The following RIIAD1 variants were observed in gnomAD, a reference collection of about 807,000 sequenced individuals.
RIIAD1 encodes the protein RIIa domain-containing protein 1.
Under a neutral mutation model 13.3 loss-of-function variants are expected in RIIAD1, and 15 were observed. The observed-to-expected ratio is 1.13, with a 90% confidence interval of 0.76 to 1.74. The LOEUF (loss-of-function observed/expected upper bound fraction) is 1.74, where lower values mean the gene tolerates loss of function less well. Ranked by LOEUF, RIIAD1 falls within the 40% of genes most tolerant of loss-of-function variation. The pLI is 0.00. For synonymous variants in RIIAD1, 50 were observed against 43.3 expected, an observed-to-expected ratio of 1.16 and a Z score of -0.61; for missense variants, 121 against 112.2, an observed-to-expected ratio of 1.08 and a Z score of -0.35.
intron 4 of RIIAD1, among the ~76,000 whole-genome samples, chr1:151,714,861 G>A (rs909084952): frequency 6.6e-5 from 10 of 152,066 alleles, no homozygotes; most frequent in East Asian, 1.9e-4. Context: ...CAGACACCTG[G>A]AGGCCTAAAT....
At chr1:151,722,063 G>T in intron 1 of RIIAD1, 23 bp from the exon 2 acceptor site, 1 of 1,513,636 alleles carries the variant, frequency 6.6e-7, no homozygotes, top group Non-Finnish European at 9.0e-7. Context: ...TAATGGAAGT[G>T]ACCCTTTGTT....
chr1:151,711,860 C>G (rs1673051739), exon 2 of RIIAD1: 1 of 152,222 alleles, frequency 6.6e-6, no homozygotes, highest in African/African-American at 2.4e-5. Flanking sequence ...ACCTGGGACC[C>G]AGAGAGAAAG....
exon 3 of RIIAD1, chr1:151,713,546 A>ACAAT (rs1376117555): frequency 6.6e-6 from 1 of 152,242 alleles, no homozygotes; most frequent in Admixed American, 6.5e-5. Context: ...AGGGGCCTCC[A>ACAAT]CAGAGAAAAA....
intron 4 of RIIAD1, 56 bp from the exon 5 acceptor site, chr1:151,729,432 T>A (rs934702022): frequency 2.0e-4 from 31 of 151,714 alleles, no homozygotes; most frequent in African/African-American, 7.0e-4. Context: ...AAAAAAAAAA[T>A]GTGAGGTGGG....
chr1:151,719,880 T>C (rs896560157), upstream of RIIAD1, among the ~76,000 whole-genome samples: 6 of 151,750 alleles, frequency 4.0e-5, no homozygotes, highest in Non-Finnish European at 8.8e-5. Context: ...TACTTGGAGG[T>C]GGGGAGGTAG....
At chr1:151,721,486 G>A (rs1282135944), upstream of RIIAD1, 47 of 1,145,154 alleles carry the variant, frequency 4.1e-5, no homozygotes, top group Admixed American at 8.2e-5. Context: ...GGCGGGGCCG[G>A]GGGCGGGGCC....
At chr1:151,722,050 TC>T (rs1673747498) in intron 1 of RIIAD1, 35 bp from the exon 2 acceptor site, 1 of 1,434,554 alleles carries the variant, frequency 7.0e-7, no homozygotes, top group African/African-American at 1.4e-5. Flanking sequence ...TGAATCTGTC[TC>T]CTAATGGAAG....
intron 3 of RIIAD1, 144 bp downstream of exon 3, chr1:151,727,765 G>C: frequency 1.6e-6 from 1 of 607,700 alleles, no homozygotes; most frequent in East Asian, 3.0e-5. Flanking sequence ...GCTTTTTTCA[G>C]CTTTTTCTTT....
At chr1:151,725,903 G>A (rs764600342) in intron 2 of RIIAD1, among the ~76,000 whole-genome samples, 9 of 152,106 alleles carry the variant, frequency 5.9e-5, no homozygotes, top group East Asian at 3.9e-4. Context: ...CCCTGCATGC[G>A]TCCCTCACTC....
At chr1:151,721,325 C>A (rs947756128), upstream of RIIAD1, among the ~76,000 whole-genome samples, 1 of 152,206 alleles carries the variant, frequency 6.6e-6, no homozygotes, top group Non-Finnish European at 1.5e-5. Flanking sequence ...AGGGCTCATT[C>A]CACATACAAT....
chr1:151,721,737 A>T (rs1229204328), intron 1 of RIIAD1, 117 bp downstream of exon 1: 1 of 579,478 alleles, frequency 1.7e-6, no homozygotes, highest in Non-Finnish European at 2.7e-6. Flanking sequence ...GTTCCCTGAT[A>T]AAGTGGGGAG....
intron 1 of RIIAD1, among the ~76,000 whole-genome samples, chr1:151,711,597 G>T (rs1673025349): frequency 6.6e-6 from 1 of 152,240 alleles, no homozygotes; most frequent in African/African-American, 2.4e-5. Context: ...ATGTGTGTGC[G>T]GGTGCGCATG....
chr1:151,725,443 C>T (rs1176035194), intron 2 of RIIAD1, among the ~76,000 whole-genome samples: 1 of 152,078 alleles, frequency 6.6e-6, no homozygotes, highest in African/African-American at 2.4e-5. Flanking sequence ...AGTTCCACAA[C>T]GTTGCTTTTT....
At position 151,729,743 on chromosome 1, in the gene RIIAD1, T is replaced by A. The variant is rs1284726414; in HGVS notation, c.*313T>A. 1 of 152,348 alleles carries A rather than the reference T, an allele frequency of 6.6e-6. No individual in the cohort carries two copies. The highest frequency in any genetic ancestry group is 1.9e-4 in the East Asian group (1 of 5,176). The allele number at this position is 152,348 out of a possible 1,614,324, so 9.4% of individuals were successfully genotyped here. ...GGCCTCTTGCTGGGTCAGTGGGCTG[T>A]CGTGCCCACCCCCTGGGAAGAACAC... On this transcript the variant is annotated 3_prime_UTR_variant, in exon 5 of 5. Coordinates refer to ENST00000479191, the MANE Select transcript of RIIAD1 (RefSeq NM_001144956.3).
chr1:151,715,716 A>G, intron 4 of RIIAD1: 1 of 1,563,170 alleles, frequency 6.4e-7, no homozygotes, highest in South Asian at 1.2e-5. Context: ...TGATCACTCT[A>G]GCTGAGTTCT....
intron 2 of RIIAD1, among the ~76,000 whole-genome samples, chr1:151,723,218 A>G (rs1673770870): frequency 6.6e-6 from 1 of 152,002 alleles, no homozygotes; most frequent in Non-Finnish European, 1.5e-5. Flanking sequence ...AACATGGTGA[A>G]ACCCCGTCTC....
chr1:151,729,241 G>A (rs1325598133), intron 4 of RIIAD1, among the ~76,000 whole-genome samples: 1 of 152,128 alleles, frequency 6.6e-6, no homozygotes, highest in Non-Finnish European at 1.5e-5. Context: ...GTGTGACCTT[G>A]GTGGTGAGAG....
intron 1 of RIIAD1, 121 bp downstream of exon 1, chr1:151,721,741 T>C: frequency 1.8e-6 from 1 of 549,768 alleles, no homozygotes; most frequent in Non-Finnish European, 2.9e-6. Flanking sequence ...CCTGATAAAG[T>C]GGGGAGGGCG....
chr1:151,715,640 C>T, intron 4 of RIIAD1: 2 of 1,495,654 alleles, frequency 1.3e-6, no homozygotes, highest in Non-Finnish European at 1.8e-6. Context: ...GGATCCACAT[C>T]TTTGCAGCCG....
Sources: allele counts gnomAD v4.1 joint callset (sites outside exome capture counted in the v4.1 genomes callset), GRCh38; gene constraint gnomAD v4.1.1; transcripts MANE v1.5; gene names NCBI Gene and HGNC (gene_info 2026-07-23, HGNC 2026-07-21).